The following NELL1 variants were observed in gnomAD, a reference collection of about 807,000 sequenced individuals.
The protein encoded by NELL1 is neural EGFL like 1.
A neutral mutation model predicts 107.4 loss-of-function variants in NELL1; 76 were observed. That is an observed-to-expected ratio of 0.71 (90% CI 0.59 to 0.86). The LOEUF is 0.86. Ranked by LOEUF, NELL1 falls within the 40% of genes least tolerant of loss-of-function variation. The pLI is 0.00. For missense variants in NELL1, 1,024 were observed against 1,005.5 expected (o/e 1.02, Z -0.25); for synonymous variants, 353 against 341.2 (o/e 1.03, Z -0.38).
chr11:20,733,771 G>A (rs968297196), intron 2 of NELL1, among the ~76,000 whole-genome samples: 10 of 152,106 alleles, frequency 6.6e-5, no homozygotes, highest in African/African-American at 2.2e-4. Flanking sequence ...AAGGCCATTC[G>A]TTCATTTATT....
intron 3 of NELL1, among the ~76,000 whole-genome samples, chr11:20,834,966 A>G (rs1285820668): frequency 6.6e-6 from 1 of 152,192 alleles, no homozygotes; most frequent in Admixed American, 6.5e-5. Flanking sequence ...CTATGAATCT[A>G]GCCCCAACTT....
At chr11:20,864,640 A>G (rs777262780) in intron 4 of NELL1, among the ~76,000 whole-genome samples, 4 of 150,604 alleles carry the variant, frequency 2.7e-5, no homozygotes, top group Admixed American at 1.3e-4. Context: ...CCTGGCCTCT[A>G]CCTGTCTGCC....
intron 12 of NELL1, among the ~76,000 whole-genome samples, chr11:20,967,750 A>G (rs898895372): frequency 1.3e-5 from 2 of 152,134 alleles, no homozygotes; most frequent in South Asian, 2.1e-4. Flanking sequence ...CCATCTTCAA[A>G]CATATTTAAA....
Position 20,947,410 on chromosome 11 carries a change from G to C in NELL1, c.1146G>C (p.Glu382Asp), listed in dbSNP as rs61150458. The C allele has an allele frequency of 5.0e-5, 80 of 1,614,040 alleles. No individual in the cohort carries two copies. The African/African-American group carries it at 9.7e-4, about 20-fold the overall frequency. Residue 382 changes from glutamate to aspartate, a missense_variant, in exon 11 of 20, where the codon GAG becomes GAC. Glu to Asp is a conservative substitution (Grantham distance 45). Transcript: ENST00000357134. ...CAGAAAAGGATCACATTCTTCCTGA[G>C]AATCAGTGCTGCCGTGTCTGTAGAG... ...NCSEKDHILPENQCCRVCRGH... is the reference protein window; with the variant it reads ...NCSEKDHILPDNQCCRVCRGH...
At chr11:21,475,494 G>A (rs1056547623) in intron 15 of NELL1, among the ~76,000 whole-genome samples, 10 of 152,136 alleles carry the variant, frequency 6.6e-5, no homozygotes, top group African/African-American at 2.4e-4. Context: ...ACTTGCTCTG[G>A]CCAATCCCCT....
chr11:21,540,395 A>C (rs996547476), intron 16 of NELL1, among the ~76,000 whole-genome samples: 2 of 151,970 alleles, frequency 1.3e-5, no homozygotes, highest in African/African-American at 4.8e-5. Flanking sequence ...ACCTCCATCA[A>C]ATCAATTTTT....
intron 14 of NELL1, among the ~76,000 whole-genome samples, chr11:21,314,902 G>T (rs1210443211): frequency 6.6e-6 from 1 of 151,836 alleles, no homozygotes; most frequent in Non-Finnish European, 1.5e-5. Flanking sequence ...TGACGCCCAG[G>T]CTGGAGTGCA....
intron 3 of NELL1, among the ~76,000 whole-genome samples, chr11:20,833,159 G>A (rs1167631310): frequency 6.6e-6 from 1 of 152,112 alleles, no homozygotes. Flanking sequence ...TCTCTGACTT[G>A]CTTTCTTCAC....
At chr11:20,727,693 T>C (rs911842062) in intron 2 of NELL1, among the ~76,000 whole-genome samples, 7 of 152,216 alleles carry the variant, frequency 4.6e-5, no homozygotes, top group Non-Finnish European at 5.9e-5. Flanking sequence ...CTGAATGGTA[T>C]TGCCTAGGTT....
intron 14 of NELL1, among the ~76,000 whole-genome samples, chr11:21,291,104 A>G (rs1849248942): frequency 6.6e-6 from 1 of 152,178 alleles, no homozygotes; most frequent in Non-Finnish European, 1.5e-5. Flanking sequence ...AAAAATGGCT[A>G]GAGGAATTGC....
intron 5 of NELL1, among the ~76,000 whole-genome samples, chr11:20,907,210 A>G (rs963593451): frequency 7.3e-6 from 1 of 137,204 alleles, no homozygotes; most frequent in African/African-American, 2.7e-5. Context: ...TGCATTTTAC[A>G]ATGGATTCTG....
intron 3 of NELL1, among the ~76,000 whole-genome samples, chr11:20,824,014 C>G: frequency 6.6e-6 from 1 of 151,298 alleles, no homozygotes; most frequent in East Asian, 1.9e-4. Flanking sequence ...TCACCCAAAT[C>G]TCATCTTGAG....
intron 13 of NELL1, among the ~76,000 whole-genome samples, chr11:21,116,931 GGAAAA>G (rs1855250149): frequency 6.6e-6 from 1 of 151,828 alleles, no homozygotes; most frequent in African/African-American, 2.4e-5. Flanking sequence ...CTCATTACAT[GGAAAA>G]TCAAATCCCT....
chr11:20,875,752 G>A (rs1235563956), intron 4 of NELL1, among the ~76,000 whole-genome samples: 2 of 152,164 alleles, frequency 1.3e-5, no homozygotes, highest in Non-Finnish European at 2.9e-5. Context: ...GCAGAGAGAA[G>A]GGTTGGTAAG....
rs4363593 is a variant in NELL1 at position 21,504,723 on chromosome 11, G to A, written c.1646-29651G>A. Among the ~76,000 whole-genome samples, 2,146 of 152,086 alleles carry A rather than the reference G, an allele frequency of 0.014. 151 individuals are homozygous for A. In the East Asian group the frequency reaches 0.23, roughly 16 times the overall value. The stretch of plus-strand genomic sequence containing the variant: ...GTATACTACTCTATATTTGATTTCA[G>A]TGTATTTATTTTAAACTCATCCATT... On this transcript the variant is annotated intron_variant, in intron 15 of 19. Coordinates refer to ENST00000357134, the MANE Select transcript of NELL1 (RefSeq NM_006157.5).
At chr11:20,723,347 C>T (rs1396616146) in intron 2 of NELL1, among the ~76,000 whole-genome samples, 1 of 152,202 alleles carries the variant, frequency 6.6e-6, no homozygotes, top group African/African-American at 2.4e-5. Context: ...TCCCAACATA[C>T]AGTAGGGGTG....
At chr11:21,356,623 T>C (rs1850939665) in intron 14 of NELL1, among the ~76,000 whole-genome samples, 1 of 152,204 alleles carries the variant, frequency 6.6e-6, no homozygotes, top group Admixed American at 6.6e-5. Context: ...AATAATACTG[T>C]AGCGCATAGT....
At chr11:20,943,913 C>A (rs1185324169) in intron 10 of NELL1, among the ~76,000 whole-genome samples, 2 of 152,144 alleles carry the variant, frequency 1.3e-5, no homozygotes, top group East Asian at 3.9e-4. Flanking sequence ...CCCATTGATT[C>A]CCTTGATAAA....
intron 11 of NELL1, among the ~76,000 whole-genome samples, chr11:20,959,615 T>G (rs1049406781): frequency 6.6e-6 from 1 of 152,128 alleles, no homozygotes; most frequent in Non-Finnish European, 1.5e-5. Flanking sequence ...GGAGTTAGGC[T>G]ATGAGGATGC....
Sources: gnomAD v4.1 joint callset for allele counts (sites outside exome capture counted in the v4.1 genomes callset) on GRCh38, gnomAD v4.1.1 for gene constraint, MANE v1.5 for transcripts, NCBI Gene and HGNC (gene_info 2026-07-23, HGNC 2026-07-21) for gene names.